CPQ: variants seen among roughly 807,000 people sequenced by gnomAD.
CPQ encodes the protein Ser-Met dipeptidase.
CPQ carries 37 observed loss-of-function variants against 45.7 expected under a neutral mutation model. That is an observed-to-expected ratio of 0.81 (90% CI 0.62 to 1.07). The LOEUF (loss-of-function observed/expected upper bound fraction) is 1.07. Ranked by LOEUF, CPQ falls within the 50% of genes least tolerant of loss-of-function variation. The pLI is 0.00. For synonymous variants in CPQ, 186 were observed against 205.8 expected (o/e 0.90, Z 0.82); for missense variants, 537 against 572.9 (o/e 0.94, Z 0.64).
intron 1 of CPQ, among the ~76,000 whole-genome samples, chr8:96,763,600 A>AAT (rs201748829): frequency 4.6e-5 from 7 of 151,730 alleles, no homozygotes; most frequent in East Asian, 1.9e-4. Flanking sequence ...AGACAGGGAG[A>AAT]ATATATATAT....
At chr8:96,677,458 CTGTT>C (rs1449123150) in intron 1 of CPQ, among the ~76,000 whole-genome samples, 1 of 151,994 alleles carries the variant, frequency 6.6e-6, no homozygotes, top group Non-Finnish European at 1.5e-5. Flanking sequence ...TGTTTGGTGG[CTGTT>C]TGTATGTCTT....
intron 1 of CPQ, among the ~76,000 whole-genome samples, chr8:96,757,375 A>G (rs912195896): frequency 3.1e-4 from 46 of 147,810 alleles, no homozygotes; most frequent in African/African-American, 1.1e-3. Flanking sequence ...TAATAATAAT[A>G]ATAATAATAA....
At chr8:96,713,676 T>C (rs1200222463) in intron 1 of CPQ, among the ~76,000 whole-genome samples, 2 of 151,992 alleles carry the variant, frequency 1.3e-5, no homozygotes, top group African/African-American at 4.8e-5. Context: ...TGCATGGGGA[T>C]TATGGGAACT....
At chr8:96,858,937 TAAC>T (rs1360737652) in intron 3 of CPQ, among the ~76,000 whole-genome samples, 2 of 152,218 alleles carry the variant, frequency 1.3e-5, no homozygotes, top group Non-Finnish European at 2.9e-5. Context: ...TGCTTTTTTC[TAAC>T]AACTCAGCTG....
chr8:96,896,411 T>C (rs1812443605), intron 4 of CPQ, among the ~76,000 whole-genome samples: 1 of 152,176 alleles, frequency 6.6e-6, no homozygotes, highest in Non-Finnish European at 1.5e-5. Context: ...CTAGAGTCTT[T>C]TCCCAGAAGA....
chr8:97,003,347 T>C (rs1247352743), intron 5 of CPQ, among the ~76,000 whole-genome samples: 1 of 152,196 alleles, frequency 6.6e-6, no homozygotes, highest in Non-Finnish European at 1.5e-5. Context: ...TGCTTTATAG[T>C]GTCACTGGTC....
At chr8:96,767,668 G>A in intron 1 of CPQ, among the ~76,000 whole-genome samples, 1 of 101,412 alleles carries the variant, frequency 9.9e-6, no homozygotes, top group South Asian at 3.3e-4. Flanking sequence ...TTTTGAGACG[G>A]ACTCTCACTC....
At chr8:96,689,292 A>C (rs985592796) in intron 1 of CPQ, among the ~76,000 whole-genome samples, 3 of 152,170 alleles carry the variant, frequency 2.0e-5, no homozygotes, top group African/African-American at 7.2e-5. Flanking sequence ...TGTCTCTATA[A>C]AATGAAGAAA....
At chr8:96,741,134 T>C (rs1810084932) in intron 1 of CPQ, among the ~76,000 whole-genome samples, 1 of 152,218 alleles carries the variant, frequency 6.6e-6, no homozygotes, top group Admixed American at 6.5e-5. Flanking sequence ...AGCTATTGAT[T>C]ATTGCCACAA....
At chr8:96,825,181 T>C (rs1253745069) in intron 2 of CPQ, among the ~76,000 whole-genome samples, 11 of 152,002 alleles carry the variant, frequency 7.2e-5, no homozygotes, top group Non-Finnish European at 1.6e-4. Context: ...TGAGTGGGCA[T>C]ATAACTCATG....
intron 1 of CPQ, among the ~76,000 whole-genome samples, chr8:96,702,493 C>A (rs955206586): frequency 1.3e-5 from 2 of 152,164 alleles, no homozygotes; most frequent in Admixed American, 6.6e-5. Flanking sequence ...AAGATAATAT[C>A]CCATTGCCTT....
intron 4 of CPQ, among the ~76,000 whole-genome samples, chr8:96,942,391 C>T (rs190304611): frequency 8.0e-4 from 122 of 152,284 alleles, no homozygotes; most frequent in African/African-American, 2.4e-3. Context: ...GCGAAGTTTT[C>T]AGGGTGGCCA....
chr8:96,955,110 C>T (rs1244204798), intron 4 of CPQ, among the ~76,000 whole-genome samples: 3 of 152,082 alleles, frequency 2.0e-5, no homozygotes, highest in East Asian at 1.9e-4. Context: ...TGGGTATATA[C>T]TCAGTAATGG....
intron 5 of CPQ, among the ~76,000 whole-genome samples, chr8:96,997,904 C>T (rs1427227650): frequency 6.6e-6 from 1 of 151,928 alleles, no homozygotes; most frequent in Non-Finnish European, 1.5e-5. Context: ...GTAAAGTGAG[C>T]CATTTGTTGT....
At position 96,948,434 on chromosome 8, in the gene CPQ, A is replaced by T. The variant is rs561768488; in HGVS notation, c.850-17501A>T. Among the ~76,000 whole-genome samples, 20 of 152,146 alleles carry T rather than the reference A, an allele frequency of 1.3e-4. No homozygotes were observed. The South Asian group carries it at 4.2e-3, about 32-fold the overall frequency. On this transcript the variant is annotated intron_variant, in intron 4 of 7. Coordinates refer to ENST00000220763, the MANE Select transcript of CPQ (RefSeq NM_016134.4). ...TTTAAAAGTGTGTTCTTTAATTTCC[A>T]TGTATCTATAGATTTTTCAGTTTTT...
At chr8:97,024,028 C>G (rs939888367) in intron 5 of CPQ, among the ~76,000 whole-genome samples, 1 of 152,214 alleles carries the variant, frequency 6.6e-6, no homozygotes, top group African/African-American at 2.4e-5. Flanking sequence ...TAAATCATAA[C>G]CACTGTGCCA....
intron 2 of CPQ, among the ~76,000 whole-genome samples, chr8:96,828,762 G>A (rs1811410055): frequency 6.6e-6 from 1 of 152,052 alleles, no homozygotes; most frequent in Admixed American, 6.6e-5. Flanking sequence ...TGTCAGCCAT[G>A]CTTCAAAGCA....
intron 1 of CPQ, among the ~76,000 whole-genome samples, chr8:96,738,849 C>A (rs1358495530): frequency 6.6e-6 from 1 of 152,044 alleles, no homozygotes; most frequent in Non-Finnish European, 1.5e-5. Flanking sequence ...TTTTCTTAAT[C>A]CAGTCTATCA....
intron 1 of CPQ, among the ~76,000 whole-genome samples, chr8:96,783,962 G>A (rs1810724120): frequency 1.3e-5 from 2 of 152,084 alleles, no homozygotes; most frequent in Admixed American, 6.6e-5. Context: ...GCTTTGAGTA[G>A]CACTGTTTAA....
Sources: gnomAD v4.1 joint callset for allele counts (sites outside exome capture counted in the v4.1 genomes callset) on GRCh38, gnomAD v4.1.1 for gene constraint, MANE v1.5 for transcripts, NCBI Gene and HGNC (gene_info 2026-07-23, HGNC 2026-07-21) for gene names.